The following IKZF2 variants were observed in gnomAD, a reference collection of about 807,000 sequenced individuals.
IKZF2 encodes the protein zinc finger protein Helios.
Under a neutral mutation model 49.2 loss-of-function variants are expected in IKZF2, and 15 were observed. The ratio of observed to expected loss-of-function variants is 0.30; its 90% CI spans 0.20 to 0.47. The LOEUF is 0.47. Among genes scored for constraint, IKZF2 ranks in the 20% least tolerant of loss-of-function variants. IKZF2 has a pLI of 1.00. For missense variants in IKZF2, 567 were observed against 664.6 expected (o/e 0.85, Z 1.61); for synonymous variants, 227 against 221.4 (o/e 1.03, Z -0.23).
At chr2:213,102,160 T>C (rs897512134) in intron 4 of IKZF2, among the ~76,000 whole-genome samples, 2 of 152,166 alleles carry the variant, frequency 1.3e-5, no homozygotes, top group Non-Finnish European at 2.9e-5. Context: ...AATAATTCTG[T>C]ATTTAAACTA....
intron 7 of IKZF2, among the ~76,000 whole-genome samples, chr2:213,019,412 G>T (rs1343662219): frequency 6.6e-6 from 1 of 152,098 alleles, no homozygotes; most frequent in East Asian, 1.9e-4. Context: ...TATATGAGAC[G>T]TATGTTAATG....
chr2:213,073,786 T>G (rs778342008), intron 4 of IKZF2, among the ~76,000 whole-genome samples: 2 of 152,236 alleles, frequency 1.3e-5, no homozygotes, highest in African/African-American at 2.4e-5. Flanking sequence ...CTTGGCTCAC[T>G]GCAACCTCCA....
chr2:213,016,865 C>G (rs540446966), intron 7 of IKZF2: 83 of 152,160 alleles, frequency 5.5e-4, no homozygotes, highest in Non-Finnish European at 1.0e-3. Flanking sequence ...ATGTCTAGCT[C>G]CTGAGCAGGA....
intron 4 of IKZF2, among the ~76,000 whole-genome samples, chr2:213,120,973 T>C (rs866883509): frequency 6.6e-6 from 1 of 152,160 alleles, no homozygotes; most frequent in African/African-American, 2.4e-5. Context: ...TTTAATTATA[T>C]GAAAATAATT....
intron 6 of IKZF2, among the ~76,000 whole-genome samples, chr2:213,028,126 T>C (rs1022441535): frequency 6.6e-6 from 1 of 152,116 alleles, no homozygotes; most frequent in Admixed American, 6.6e-5. Flanking sequence ...TATTCAGTTG[T>C]TCTAGACCCA....
At chr2:213,057,891 T>G (rs1701317331) in intron 4 of IKZF2, among the ~76,000 whole-genome samples, 1 of 152,164 alleles carries the variant, frequency 6.6e-6, no homozygotes, top group African/African-American at 2.4e-5. Flanking sequence ...GCCTTCTGTT[T>G]GCTGTTTTTG....
chr2:213,088,672 C>A (rs371054152), intron 4 of IKZF2, among the ~76,000 whole-genome samples: 1 of 152,088 alleles, frequency 6.6e-6, no homozygotes, highest in Admixed American at 6.6e-5. Context: ...GCAGGAGAAT[C>A]GCTTGAACCC....
chr2:213,020,987 C>T (rs548574110), intron 7 of IKZF2, among the ~76,000 whole-genome samples: 4 of 152,040 alleles, frequency 2.6e-5, no homozygotes, highest in Non-Finnish European at 5.9e-5. Context: ...GCAAGGCGGG[C>T]AGCTCACCTG....
At chr2:213,043,832 T>C (rs1699892698) in intron 6 of IKZF2, among the ~76,000 whole-genome samples, 1 of 152,192 alleles carries the variant, frequency 6.6e-6, no homozygotes, top group Admixed American at 6.5e-5. Context: ...TGCGGCTCAA[T>C]TTGTAAGAGG....
At chr2:213,083,814 T>C (rs944792681) in intron 4 of IKZF2, among the ~76,000 whole-genome samples, 1 of 151,314 alleles carries the variant, frequency 6.6e-6, no homozygotes, top group East Asian at 1.9e-4. Context: ...CCCCAGACTA[T>C]CTGGGACTAT....
intron 4 of IKZF2, among the ~76,000 whole-genome samples, chr2:213,072,828 G>A (rs1702851258): frequency 1.3e-5 from 2 of 151,964 alleles, no homozygotes. Context: ...AAAATTCAAC[G>A]AAAATGACAC....
intron 4 of IKZF2, among the ~76,000 whole-genome samples, chr2:213,094,658 G>C (rs921184121): frequency 6.6e-6 from 1 of 152,098 alleles, no homozygotes; most frequent in Non-Finnish European, 1.5e-5. Context: ...GTACTCAATG[G>C]ACTTGAGGAA....
intron 6 of IKZF2, among the ~76,000 whole-genome samples, chr2:213,041,226 T>C (rs1699607897): frequency 6.6e-6 from 1 of 151,996 alleles, no homozygotes; most frequent in South Asian, 2.1e-4. Context: ...GTTTCAAGTA[T>C]AGACTAATAC....
intron 4 of IKZF2, among the ~76,000 whole-genome samples, chr2:213,060,356 G>C (rs1190451634): frequency 6.6e-6 from 1 of 151,154 alleles, no homozygotes; most frequent in East Asian, 1.9e-4. Flanking sequence ...AATATTCGTA[G>C]CTACACTATA....
chr2:213,088,875 A>G (rs1292418041), intron 4 of IKZF2, among the ~76,000 whole-genome samples: 1 of 152,206 alleles, frequency 6.6e-6, no homozygotes, highest in Non-Finnish European at 1.5e-5. Context: ...AACATTATCT[A>G]ATGTTACCTT....
chr2:213,069,759 A>C (rs568890689), intron 4 of IKZF2, among the ~76,000 whole-genome samples: 1 of 152,180 alleles, frequency 6.6e-6, no homozygotes, highest in African/African-American at 2.4e-5. Context: ...CAGTATAGCA[A>C]CACCTCCTGG....
chr2:213,116,916 A>T (rs2059898478), intron 4 of IKZF2, among the ~76,000 whole-genome samples: 1 of 152,206 alleles, frequency 6.6e-6, no homozygotes, highest in Non-Finnish European at 1.5e-5. Context: ...TATAATTTAT[A>T]AAAATCACAA....
chr2:213,013,929 G>C lies in IKZF2; in HGVS notation c.718C>G (p.Pro240Ala). The change falls in exon 8 of 9, where the codon CCT becomes GCT. Residue 240 changes from proline (P) to alanine (A), a missense_variant. Physicochemically the swap from Pro to Ala is conservative, Grantham distance 27 (BLOSUM62 -1). Coordinates refer to ENST00000434687, the MANE Select transcript of IKZF2 (RefSeq NM_001387220.1). ...TCTTGTTCCTTACAATCTTCCATAGGAGGTACTATACAAAACCATAGAAAA... is the reference window on the plus strand; with the variant it reads ...TCTTGTTCCTTACAATCTTCCATAGCAGGTACTATACAAAACCATAGAAAA... Reference protein sequence around the residue: ...AGQVMSHHVPPMEDCKEQEPI... With the variant: ...AGQVMSHHVPAMEDCKEQEPI... 6.2e-7 allele frequency: 1 copy of C among 1,611,000 alleles called. No individual in the cohort carries two copies. The highest frequency in any genetic ancestry group is 1.1e-5 in the South Asian group (1 of 90,934).
At chr2:213,078,146 C>G (rs541732366) in intron 4 of IKZF2, among the ~76,000 whole-genome samples, 3 of 152,054 alleles carry the variant, frequency 2.0e-5, no homozygotes, top group African/African-American at 7.2e-5. Flanking sequence ...TTCATGAATA[C>G]AAAGATTTAT....
Sources: allele counts gnomAD v4.1 joint callset (sites outside exome capture counted in the v4.1 genomes callset), GRCh38; gene constraint gnomAD v4.1.1; transcripts MANE v1.5; gene names NCBI Gene and HGNC (gene_info 2026-07-23, HGNC 2026-07-21).